The following PCDH11X variants were observed in gnomAD, a reference collection of about 807,000 sequenced individuals.
PCDH11X encodes protocadherin-11 X-linked.
In PCDH11X, 18 loss-of-function variants were observed where a neutral mutation model predicts 53.3. The ratio of observed to expected loss-of-function variants is 0.34; its 90% CI spans 0.23 to 0.50. The LOEUF (loss-of-function observed/expected upper bound fraction) is 0.50. Ranked by LOEUF, PCDH11X falls within the 20% of genes least tolerant of loss-of-function variation. The pLI is 0.98. For missense variants in PCDH11X, 570 were observed against 1,032.4 expected (o/e 0.55, Z 6.14); for synonymous variants, 279 against 393.3 (o/e 0.71, Z 3.44).
rs368343925 is a variant in PCDH11X, at chrX:91,877,466, G to A, written c.1226G>A (p.Arg409Lys). ...FTDHEIPFRL[R>K]PVFSNQFLLE... ...GATCATGAAATCCCTTTCAGATTAA[G>A]GCCAGTATTCAGTAATCAGTTCCTC... Residue 409 changes from arginine (R) to lysine (K), a missense_variant, in exon 6 of 11, where the codon AGG becomes AAG. By Grantham distance (26) the Arg-to-Lys change is conservative (BLOSUM62 2). This residue lies in a region of PCDH11X where 226 missense variants were observed against 457.5 expected (regional missense o/e 0.49). Coordinates refer to ENST00000682573, the MANE Select transcript of PCDH11X (RefSeq NM_032968.5). The A allele has an allele frequency of 5.0e-6, 6 of 1,209,069 alleles. No homozygotes were observed. In the African/African-American group the frequency reaches 1.1e-4, roughly 21 times the overall value.
chrX:92,293,867 C>T, intron 8 of PCDH11X, among the ~76,000 whole-genome samples: 1 of 107,352 alleles, frequency 9.3e-6, no homozygotes. Context: ...GATATGATGA[C>T]TAAATGATGT....
At chrX:92,248,983 C>T (rs1346001334) in intron 7 of PCDH11X, among the ~76,000 whole-genome samples, 2 of 111,554 alleles carry the variant, frequency 1.8e-5, no homozygotes, top group East Asian at 2.8e-4. Flanking sequence ...GGATTACAGG[C>T]ATGAGCCACT....
At chrX:92,065,294 C>T (rs1038112474) in intron 6 of PCDH11X, among the ~76,000 whole-genome samples, 9 of 109,101 alleles carry the variant, frequency 8.2e-5, no homozygotes, top group African/African-American at 3.1e-4. Context: ...AATAGTGTTG[C>T]AACAAACATG....
At chrX:92,235,560 AATT>A (rs752738812) in intron 7 of PCDH11X, among the ~76,000 whole-genome samples, 4 of 111,820 alleles carry the variant, frequency 3.6e-5, no homozygotes, top group East Asian at 2.8e-4. Context: ...GAATTTTAAA[AATT>A]ATTATTACTG....
intron 6 of PCDH11X, among the ~76,000 whole-genome samples, chrX:92,009,017 A>C (rs1189775456): frequency 8.9e-6 from 1 of 112,267 alleles, no homozygotes; most frequent in Non-Finnish European, 1.9e-5. Flanking sequence ...TCATCCCACA[A>C]ATACTTTATT....
At chrX:92,530,188 G>A (rs2074529930) in intron 10 of PCDH11X, among the ~76,000 whole-genome samples, 1 of 107,862 alleles carries the variant, frequency 9.3e-6, no homozygotes, top group Non-Finnish European at 1.9e-5. Context: ...AAGTCGAGGT[G>A]CAGATTAACC....
chrX:92,204,765 C>A (rs1329047880), intron 7 of PCDH11X, among the ~76,000 whole-genome samples: 1 of 111,846 alleles, frequency 8.9e-6, no homozygotes, highest in Non-Finnish European at 1.9e-5. Context: ...AAGAAATACC[C>A]GAGACTGGGT....
chrX:92,594,505 G>A (rs1925366224), intron 10 of PCDH11X, among the ~76,000 whole-genome samples: 2 of 108,717 alleles, frequency 1.8e-5, no homozygotes, highest in South Asian at 4.1e-4. Flanking sequence ...CTCAGTATAT[G>A]TTTTTAGTAA....
intron 8 of PCDH11X, among the ~76,000 whole-genome samples, chrX:92,366,457 AT>A (rs1203359465): frequency 2.7e-5 from 3 of 109,582 alleles, no homozygotes; most frequent in Admixed American, 9.8e-5. Flanking sequence ...GGATTCACTG[AT>A]TTTTTTGAAG....
Position 92,314,065 on chromosome X carries a change from T to A in PCDH11X, c.3144+50922T>A, listed in dbSNP as rs1427434986. Among the ~76,000 whole-genome samples, 5 of 112,098 alleles carry A rather than the reference T, an allele frequency of 4.5e-5. No individual in the cohort carries two copies. The Admixed American group carries it at 4.8e-4, about 11-fold the overall frequency. ...CTTCAATAATAAATGAACCTTAGCC[T>A]ATTGTAAATTTTTTACTTTATACAT... On this transcript the variant is annotated intron_variant, in intron 8 of 10. Transcript: ENST00000682573.
At chrX:92,237,367 G>A (rs1349940713) in intron 7 of PCDH11X, among the ~76,000 whole-genome samples, 2 of 110,444 alleles carry the variant, frequency 1.8e-5, no homozygotes, top group East Asian at 5.7e-4. Flanking sequence ...CTCTGTTACT[G>A]TGAGCAATTT....
intron 8 of PCDH11X, among the ~76,000 whole-genome samples, chrX:92,264,880 ATTTTTTTT>A (rs36145079): frequency 1.1e-5 from 1 of 87,769 alleles, no homozygotes; most frequent in Non-Finnish European, 2.2e-5. Context: ...GTGAAGGACA[ATTTTTTTT>A]TTTTTTTTTG....
chrX:92,109,029 T>G, intron 6 of PCDH11X, among the ~76,000 whole-genome samples: 2 of 110,934 alleles, frequency 1.8e-5, no homozygotes, highest in South Asian at 7.7e-4. Context: ...GACTGGAGTT[T>G]TATTATTACT....
rs59848282 is a variant in PCDH11X, at chrX:91,907,412, CAGAG to C, written c.3033+28166_3033+28169del. On this transcript the variant is annotated intron_variant, in intron 6 of 10. Transcript: ENST00000682573. ...ACACACACACACACACACACACACACAGAGAGAGAGAGAGAGAGAGAGAGAGAGA... is the reference window on the plus strand; with the variant it reads ...ACACACACACACACACACACACACACAGAGAGAGAGAGAGAGAGAGAGAGA... Among the ~76,000 whole-genome samples the C allele has an allele frequency of 1.1e-3, 65 of 57,484 alleles. 1 individual carries two copies. Among genetic ancestry groups the C allele is most frequent in the African/African-American group, 2.3e-3 (31 of 13,384 alleles). 49.9% of individuals were successfully genotyped at this position (57,484 alleles called of 115,157 possible). A position where few individuals can be genotyped will look rare whatever the true frequency, so the allele number is the denominator to read the frequency against.
At chrX:92,273,643 G>T (rs955688081) in intron 8 of PCDH11X, among the ~76,000 whole-genome samples, 5 of 110,658 alleles carry the variant, frequency 4.5e-5, no homozygotes, top group African/African-American at 1.6e-4. Flanking sequence ...ATTAGGGGCG[G>T]CGTGGGAACC....
At position 91,998,810 on chromosome X, in the gene PCDH11X, T is replaced by C. The variant is rs916165084; in HGVS notation, c.3033+119537T>C. 8.0e-5 allele frequency among the ~76,000 whole-genome samples: 9 copies of C among 111,913 alleles called. No individual in the cohort carries two copies. The East Asian group carries it at 1.7e-3, about 21-fold the overall frequency. ...GTTATATTTTCCAATATTATCACTA[T>C]GCCGAATACAGTAGTAAGCATTCAG... On this transcript the variant is annotated intron_variant, in intron 6 of 10. Coordinates refer to ENST00000682573, the MANE Select transcript of PCDH11X (RefSeq NM_032968.5).
rs10685775 is a variant in PCDH11X, at chrX:92,293,622, CA to C, written c.3144+30495del. ...TGGGCGACAGAGCGAGACTCCGTCT[CA>C]AAAAAAAAAAAAAAAGAACTAAAGC... On this transcript the variant is annotated intron_variant, in intron 8 of 10. Transcript: ENST00000682573. Among the ~76,000 whole-genome samples, 116 of 55,446 alleles carry C rather than the reference CA, an allele frequency of 2.1e-3. 1 individual carries two copies. Among genetic ancestry groups the C allele is most frequent in the Admixed American group, 2.5e-3 (11 of 4,463 alleles). The allele number at this position is 55,446 out of a possible 115,157, so 48.1% of individuals were successfully genotyped here. A position where few individuals can be genotyped will look rare whatever the true frequency, so the allele number is the denominator to read the frequency against.
At chrX:92,606,351 C>T (rs1926821945) in intron 10 of PCDH11X, among the ~76,000 whole-genome samples, 1 of 109,746 alleles carries the variant, frequency 9.1e-6, no homozygotes. Flanking sequence ...TAAGCCTTTT[C>T]CATTTTAAAA....
At chrX:91,944,669 T>C (rs2061550949) in intron 6 of PCDH11X, among the ~76,000 whole-genome samples, 1 of 110,047 alleles carries the variant, frequency 9.1e-6, no homozygotes, top group Admixed American at 9.8e-5. Context: ...TCCCTTAAAT[T>C]CTCTTAGTAA....
Sources: gnomAD v4.1 joint callset for allele counts (sites outside exome capture counted in the v4.1 genomes callset) on GRCh38, gnomAD v4.1.1 for gene constraint, gnomAD v4.1.1 regional missense constraint, MANE v1.5 for transcripts, NCBI Gene and HGNC (gene_info 2026-07-23, HGNC 2026-07-21) for gene names.